Variants in EPCAM observed in about 807,000 individuals in gnomAD.
The protein encoded by EPCAM is adenocarcinoma-associated antigen.
EPCAM carries 39 observed loss-of-function variants against 40.0 expected under a neutral mutation model. That is an observed-to-expected ratio of 0.98 (90% CI 0.76 to 1.27). EPCAM has a LOEUF of 1.27. EPCAM is among the 50% of genes most tolerant of loss of function. EPCAM has a pLI of 0.00. For synonymous variants in EPCAM, 168 were observed against 132.3 expected, an observed-to-expected ratio of 1.27 and a Z score of -1.85; for missense variants, 503 against 381.2, an observed-to-expected ratio of 1.32 and a Z score of -2.66.
At chr2:47,380,298 C>T (rs1343904005) in intron 7 of EPCAM, among the ~76,000 whole-genome samples, 3 of 151,938 alleles carry the variant, frequency 2.0e-5, no homozygotes, top group Non-Finnish European at 2.9e-5. Flanking sequence ...GCCTGGGCAA[C>T]ACAGCAGGAC....
At chr2:47,378,813 A>G in intron 5 of EPCAM, 140 bp from the exon 6 acceptor site, 1 of 601,136 alleles carries the variant, frequency 1.7e-6, no homozygotes, top group Non-Finnish European at 3.0e-6. Context: ...AAACTTAGTT[A>G]TCCACTAATG....
At chr2:47,369,910 G>C (rs544363384) in intron 1 of EPCAM, 2 of 446,484 alleles carry the variant, frequency 4.5e-6, no homozygotes, top group Admixed American at 3.1e-5. Context: ...GCGCCCTGGC[G>C]CACCCACGTC....
At chr2:47,369,886 C>G in intron 1 of EPCAM, 1 of 494,098 alleles carries the variant, frequency 2.0e-6, no homozygotes, top group East Asian at 3.9e-5. Context: ...CTGCGGCCAC[C>G]GAACCGGTGC....
At chr2:47,383,317 A>AGG (rs1671645450) in intron 7 of EPCAM, 1 of 153,722 alleles carries the variant, frequency 6.5e-6, no homozygotes, top group Admixed American at 6.6e-5. Context: ...AAAAAAAAAA[A>AGG]AAAAGAAAAG....
rs1482836526 is a variant in EPCAM, at chr2:47,373,768, T to G, written c.185-40T>G. The G allele has an allele frequency of 1.9e-6, 3 of 1,613,084 alleles. No homozygotes were observed. In the Admixed American group the frequency reaches 5.0e-5, roughly 27 times the overall value. On this transcript the variant is annotated intron_variant, in intron 2 of 8. Transcript: ENST00000263735. The stretch of plus-strand genomic sequence containing the variant: ...TTTTTTTTTTCCCGTAATCATGAAA[T>G]CAGTTATTTTTCAGTTTGGCATTAA...
In EPCAM at chr2:47,377,810, CCTTA is replaced by C. The variant is rs140266905; in HGVS notation, c.555+738_555+741del. 3,430 of 456,684 alleles carry C rather than the reference CCTTA, an allele frequency of 7.5e-3. 87 individuals are homozygous for C. The highest frequency in any genetic ancestry group is 0.063 in the African/African-American group (3,083 of 48,672). 28.3% of individuals were successfully genotyped at this position (456,684 alleles called of 1,614,324 possible). A position where few individuals can be genotyped will look rare whatever the true frequency, so the allele number is the denominator to read the frequency against. On this transcript the variant is annotated intron_variant, in intron 5 of 8. Transcript: ENST00000263735. ...AGGAACTAGTCCTTAACTAGTTAGC[CCTTA>C]CTTAACTCTTTAAACTCTGGTTTAA...
Position 47,373,890 on chromosome 2 carries a change from G to A in EPCAM, c.267G>A (p.Gln89=), listed in dbSNP as rs146480420. 4 of 1,614,004 alleles carry A rather than the reference G, an allele frequency of 2.5e-6. No homozygotes were observed. The African/African-American group carries it at 5.3e-5, about 22-fold the overall frequency. The change falls in exon 3 of 9, where the codon CAG becomes CAA. Residue 89 remains glutamine, a synonymous_variant. Coordinates refer to ENST00000263735, the MANE Select transcript of EPCAM (RefSeq NM_002354.3). ...GAGCAAAACCTGAAGGGGCCCTCCA[G>A]AACAATGATGGGCTTTATGATCCTG... ...GRRAKPEGAL[Q]NNDGLYDPDC...
chr2:47,380,014 C>G (rs2103759696), intron 7 of EPCAM, 45 bp downstream of exon 7: 7 of 1,565,238 alleles, frequency 4.5e-6, no homozygotes. Flanking sequence ...TATATTTTTT[C>G]AAGAAAAAGT....
intron 7 of EPCAM, among the ~76,000 whole-genome samples, chr2:47,383,600 G>GCTGCTT (rs1558440394): frequency 2.9e-5 from 3 of 104,566 alleles, no homozygotes; most frequent in African/African-American, 1.1e-4. Flanking sequence ...ACTGTGCCCG[G>GCTGCTT]CTTCTTCTTT....
intron 1 of EPCAM, among the ~76,000 whole-genome samples, chr2:47,371,311 A>G (rs926379952): frequency 6.6e-6 from 1 of 151,894 alleles, no homozygotes; most frequent in Non-Finnish European, 1.5e-5. Context: ...TTCAGCCTGG[A>G]GTGCAGTGGC....
At chr2:47,369,654 C>T in intron 1 of EPCAM, 73 bp downstream of exon 1, 1 of 1,426,206 alleles carries the variant, frequency 7.0e-7, no homozygotes, top group Non-Finnish European at 9.7e-7. Flanking sequence ...CCCTCGGCCC[C>T]CGAAACGGGC....
intron 7 of EPCAM, among the ~76,000 whole-genome samples, chr2:47,383,916 C>G (rs1187567444): frequency 6.6e-6 from 1 of 151,800 alleles, no homozygotes; most frequent in Non-Finnish European, 1.5e-5. Context: ...TGATTATAGG[C>G]GTGAACCACC....
At chr2:47,379,095 T>C in intron 6 of EPCAM, 41 bp downstream of exon 6, 1 of 1,017,916 alleles carries the variant, frequency 9.8e-7, no homozygotes, top group Non-Finnish European at 1.6e-6. Context: ...AGGAATGTAG[T>C]CTATCATGCC....
rs995288482 is a variant in EPCAM, at chr2:47,373,228, A to C, written c.77-235A>C. Among the ~76,000 whole-genome samples the C allele has an allele frequency of 1.8e-3, 271 of 150,800 alleles. 4 individuals are homozygous for C. Among genetic ancestry groups the C allele is most frequent in the African/African-American group, 6.2e-3 (255 of 41,128 alleles). On this transcript the variant is annotated intron_variant, in intron 1 of 8. Coordinates refer to ENST00000263735, the MANE Select transcript of EPCAM (RefSeq NM_002354.3). ...TTTAAAAAAAAAAAAAAAAAAAAAAAAAAAAAACAGGAATGCATGCAGATT... is the reference window on the plus strand; with the variant it reads ...TTTAAAAAAAAAAAAAAAAAAAAAACAAAAAAACAGGAATGCATGCAGATT...
At chr2:47,383,298 T>TC (rs1181632113) in intron 7 of EPCAM, 1 of 121,410 alleles carries the variant, frequency 8.2e-6, no homozygotes, top group Non-Finnish European at 1.6e-5. Flanking sequence ...AGAGCGAGAC[T>TC]CCATCTGAAA....
rs1029032325 is a variant in EPCAM at position 47,369,758 on chromosome 2, C to T, written c.76+177C>T. Reference sequence around the variant, plus strand: ...CTCAGGCCCTCCGCGCGGTAGGAAACGGCGAGGGCCGTCCCGGGGAGCAGC... The same window carrying T: ...CTCAGGCCCTCCGCGCGGTAGGAAATGGCGAGGGCCGTCCCGGGGAGCAGC... On this transcript the variant is annotated intron_variant, in intron 1 of 8. Transcript: ENST00000263735. 5 of 732,436 alleles carry T rather than the reference C, an allele frequency of 6.8e-6. No individual in the cohort carries two copies. The Admixed American group carries it at 8.1e-5, about 12-fold the overall frequency. 45.4% of individuals were successfully genotyped at this position (732,436 alleles called of 1,614,324 possible).
Position 47,384,912 on chromosome 2 carries a change from G to C in EPCAM, c.859-254G>C, listed in dbSNP as rs373183509. Among the ~76,000 whole-genome samples the C allele has an allele frequency of 1.1e-4, 17 of 152,258 alleles. No homozygotes were observed. In the East Asian group the frequency reaches 3.1e-3, roughly 28 times the overall value. ...AGTAGAGATGGGGTTTCACCGTGTT[G>C]GCTGGGCTGGTCTGAAACTCCTGAC... On this transcript the variant is annotated intron_variant, in intron 7 of 8. Transcript: ENST00000263735.
In EPCAM at chr2:47,379,945, A is replaced by C; in HGVS notation, c.834A>C (p.Ala278=). ...VIAVIVVVVI[A]VVAGIVVLVI... ...CTGTTATTGTGGTTGTGGTGATAGC[A>C]GTTGTTGCTGGAATTGTTGTGCTGG... Residue 278 remains alanine, a synonymous_variant, in exon 7 of 9, where the codon GCA becomes GCC. Coordinates refer to ENST00000263735, the MANE Select transcript of EPCAM (RefSeq NM_002354.3). The C allele has an allele frequency of 6.2e-7, 1 of 1,613,408 alleles. No homozygotes were observed. Among genetic ancestry groups the C allele is most frequent in the Non-Finnish European group, 8.5e-7 (1 of 1,179,568 alleles).
chr2:47,376,215 A>G (rs1671419591), intron 4 of EPCAM, among the ~76,000 whole-genome samples: 2 of 147,922 alleles, frequency 1.4e-5, no homozygotes, highest in African/African-American at 5.0e-5. Context: ...GTCATTATAT[A>G]TAATGTCCCT....
Sources: allele counts gnomAD v4.1 joint callset (sites outside exome capture counted in the v4.1 genomes callset), GRCh38; gene constraint gnomAD v4.1.1; transcripts MANE v1.5; gene names NCBI Gene and HGNC (gene_info 2026-07-23, HGNC 2026-07-21).